Variants in CAPG observed in about 807,000 individuals in gnomAD.
CAPG encodes the protein capping actin protein, gelsolin like.
CAPG carries 32 observed loss-of-function variants against 44.6 expected under a neutral mutation model. The observed-to-expected ratio is 0.72, with a 90% CI of 0.54 to 0.96. CAPG has a LOEUF of 0.96. CAPG is among the 50% of genes least tolerant of loss of function. CAPG has a pLI of 0.00. For missense variants in CAPG, 412 were observed against 438.3 expected, an observed-to-expected ratio of 0.94 and a Z score of 0.54; for synonymous variants, 175 against 179.6, an observed-to-expected ratio of 0.97 and a Z score of 0.20.
intron 1 of CAPG, among the ~76,000 whole-genome samples, chr2:85,402,943 G>A (rs1287318019): frequency 1.3e-5 from 2 of 151,878 alleles, no homozygotes; most frequent in Non-Finnish European, 2.9e-5. Context: ...GCTAATTTTT[G>A]TATTTTTAGT....
In CAPG at chr2:85,401,686, G is replaced by GGGACAAGTGGGAGAGGGCA. The variant is rs1326274327; in HGVS notation, c.197-22_197-4dup. ...CTCATCCCGGGATGACTGCTGGCCT[G>GGGACAAGTGGGAGAGGGCA]GGACAAGTGGGAGAGGGCAGGGCAA... On this transcript the variant is annotated splice_region_variant and splice_polypyrimidine_tract_variant and intron_variant, in intron 3 of 9. Transcript: ENST00000263867. The GGGACAAGTGGGAGAGGGCA allele has an allele frequency of 1.2e-6, 2 of 1,614,110 alleles. No individual in the cohort carries two copies. Among genetic ancestry groups the GGGACAAGTGGGAGAGGGCA allele is most frequent in the Non-Finnish European group, 1.7e-6 (2 of 1,179,982 alleles).
At chr2:85,403,886 C>CAAAAAAAAA (rs36054381) in intron 1 of CAPG, among the ~76,000 whole-genome samples, 15 of 69,768 alleles carry the variant, frequency 2.1e-4, no homozygotes, top group East Asian at 1.1e-3. Context: ...GACTCCATCT[C>CAAAAAAAAA]AAAAAAAAAA....
chr2:85,413,447 G>A (rs537936409), upstream of CAPG, among the ~76,000 whole-genome samples: 1 of 152,340 alleles, frequency 6.6e-6, no homozygotes, highest in African/African-American at 2.4e-5. Flanking sequence ...GGGCGTGGTG[G>A]CGGGCGCCTA....
chr2:85,398,662 G>T (rs1347692308), intron 7 of CAPG, 28 bp downstream of exon 7: 7 of 1,560,516 alleles, frequency 4.5e-6, no homozygotes, highest in Non-Finnish European at 4.4e-6. Context: ...CCTGCTGCCG[G>T]GTCCCAGGGC....
At chr2:85,406,444 T>C (rs1687157927) in intron 1 of CAPG, among the ~76,000 whole-genome samples, 2 of 152,164 alleles carry the variant, frequency 1.3e-5, no homozygotes, top group Non-Finnish European at 1.5e-5. Context: ...GCCATTTACC[T>C]AGAACCCCCT....
At chr2:85,406,735 G>A (rs1264892492) in intron 1 of CAPG, among the ~76,000 whole-genome samples, 6 of 151,974 alleles carry the variant, frequency 3.9e-5, no homozygotes, top group Non-Finnish European at 5.9e-5. Context: ...GCTCATGCCT[G>A]TAATCCCAGC....
At chr2:85,409,156 CAAAG>C (rs1020474124) in intron 1 of CAPG, among the ~76,000 whole-genome samples, 28 of 152,264 alleles carry the variant, frequency 1.8e-4, no homozygotes, top group African/African-American at 6.3e-4. Context: ...TGCAGGTGCT[CAAAG>C]AATGCATTTG....
At chr2:85,418,061 C>A (rs1251418208) in intron 1 of CAPG, among the ~76,000 whole-genome samples, 2 of 152,162 alleles carry the variant, frequency 1.3e-5, no homozygotes, top group Admixed American at 6.5e-5. Flanking sequence ...ATCAGTCAAG[C>A]CTGTAAGGTA....
chr2:85,407,774 G>C (rs1300159214), intron 1 of CAPG, among the ~76,000 whole-genome samples: 1 of 150,696 alleles, frequency 6.6e-6, no homozygotes, highest in Non-Finnish European at 1.5e-5. Flanking sequence ...CCAGTGACTA[G>C]CTTCCATATT....
chr2:85,392,455 G>C (rs555337622), downstream of CAPG, among the ~76,000 whole-genome samples: 10 of 151,388 alleles, frequency 6.6e-5, no homozygotes, highest in South Asian at 1.7e-3. Flanking sequence ...GGGCAGGTGA[G>C]AGCCCCACTA....
chr2:85,400,878 C>T (rs946852530), intron 5 of CAPG, among the ~76,000 whole-genome samples: 2 of 152,084 alleles, frequency 1.3e-5, no homozygotes, highest in Non-Finnish European at 2.9e-5. Flanking sequence ...ATTCACTGAA[C>T]GAAGAGATAA....
At chr2:85,413,492 A>AT (rs1278200041), upstream of CAPG, among the ~76,000 whole-genome samples, 1 of 152,176 alleles carries the variant, frequency 6.6e-6, no homozygotes, top group Non-Finnish European at 1.5e-5. Context: ...AGGCAGGAGA[A>AT]TCGCTTGAAC....
At position 85,402,162 on chromosome 2, in the gene CAPG, G is replaced by C. The variant is rs747155731; in HGVS notation, c.-13-4C>G. ...TGTGTACATGCTGTCTTCAGATCTG[G>C]AAAGAAAGAAGAAGCCATTATTATT... On this transcript the variant is annotated splice_polypyrimidine_tract_variant and splice_region_variant and intron_variant, in intron 1 of 9. Transcript: ENST00000263867. The C allele has an allele frequency of 6.3e-7, 1 of 1,592,428 alleles. No individual in the cohort carries two copies. The highest frequency in any genetic ancestry group is 1.3e-5 in the African/African-American group (1 of 74,320).
At chr2:85,403,749 T>C (rs1050072123) in intron 1 of CAPG, among the ~76,000 whole-genome samples, 2 of 151,778 alleles carry the variant, frequency 1.3e-5, no homozygotes, top group Non-Finnish European at 2.9e-5. Flanking sequence ...TTGCTGGGTG[T>C]GGTGGCACGT....
At position 85,401,942 on chromosome 2, in the gene CAPG, T is replaced by C; in HGVS notation, c.39A>G (p.Pro13=). The change falls in exon 3 of 10, where the codon CCA becomes CCG. Residue 13 remains proline (P), a synonymous_variant. Transcript: ENST00000263867. ...GCAGGCCTGGATCCTGCACTGAGCCTGGGAATGGAGAGCCACTGCGAGAAG... is the reference window on the plus strand; with the variant it reads ...GCAGGCCTGGATCCTGCACTGAGCCCGGGAATGGAGAGCCACTGCGAGAAG... The part of the protein sequence containing the change: ...TAIPQSGSPF[P]GSVQDPGLHV... 2 of 1,613,834 alleles carry C rather than the reference T, an allele frequency of 1.2e-6. No homozygotes were observed. The highest frequency in any genetic ancestry group is 1.7e-6 in the Non-Finnish European group (2 of 1,179,988).
downstream of CAPG, among the ~76,000 whole-genome samples, chr2:85,392,924 C>T (rs1374471580): frequency 6.6e-6 from 1 of 152,180 alleles, no homozygotes; most frequent in African/African-American, 2.4e-5. Context: ...AGAGTACTCA[C>T]AGCTTCAGAC....
chr2:85,405,520 A>T (rs1687103969), intron 1 of CAPG, among the ~76,000 whole-genome samples: 1 of 152,116 alleles, frequency 6.6e-6, no homozygotes, highest in Admixed American at 6.5e-5. Context: ...CAGGATCAGG[A>T]AGTGCAATAT....
In CAPG at chr2:85,395,511, G is replaced by C. The variant is rs1196018577; in HGVS notation, c.981+27C>G. The C allele has an allele frequency of 6.3e-7, 1 of 1,594,202 alleles. No homozygotes were observed. Among genetic ancestry groups the C allele is most frequent in the Non-Finnish European group, 8.6e-7 (1 of 1,163,764 alleles). On this transcript the variant is annotated intron_variant, in intron 9 of 9. Coordinates refer to ENST00000263867, the MANE Select transcript of CAPG (RefSeq NM_001747.4). This position sits in a 1 kb window ranked among gnomAD's most constrained non-coding sequence, Gnocchi z 4.3. ...GGCCACAGGAAGAGCCCTAGGAAGA[G>C]GGCTGTGGTTGTGCGCATCTCCTCA...
At position 85,401,963 on chromosome 2, in the gene CAPG, A is replaced by T; in HGVS notation, c.24-6T>A. On this transcript the variant is annotated splice_polypyrimidine_tract_variant and splice_region_variant and intron_variant, in intron 2 of 9. Transcript: ENST00000263867. ...AGCCTGGGAATGGAGAGCCACTGCG[A>T]GAAGAGAGAGGGTTGACAGCAGCCT... 6.2e-7 allele frequency: 1 copy of T among 1,614,026 alleles called. No homozygotes were observed. Among genetic ancestry groups the T allele is most frequent in the South Asian group, 1.1e-5 (1 of 91,076 alleles).
Sources: gnomAD v4.1 joint callset for allele counts (sites outside exome capture counted in the v4.1 genomes callset) on GRCh38, gnomAD v4.1.1 for gene constraint, Gnocchi (gnomAD v3.1) non-coding constraint, MANE v1.5 for transcripts, NCBI Gene and HGNC (gene_info 2026-07-23, HGNC 2026-07-21) for gene names.